CD300LD: variants seen among roughly 807,000 people sequenced by gnomAD.
CD300LD encodes CD300 molecule like family member d, also known as CMRF35-like molecule 5.
CD300LD carries 18 observed loss-of-function variants against 20.3 expected under a neutral mutation model. That is an observed-to-expected ratio of 0.89 (90% CI 0.61 to 1.32). The LOEUF is 1.32. Ranked by LOEUF, CD300LD falls within the 40% of genes most tolerant of loss-of-function variation. The probability of loss-of-function intolerance (pLI) is 0.00; values close to 1 mark genes in which losing one functional copy is unlikely to be tolerated. For missense variants in CD300LD, 195 were observed against 226.6 expected, an observed-to-expected ratio of 0.86 and a Z score of 0.90; for synonymous variants, 104 against 90.1, an observed-to-expected ratio of 1.15 and a Z score of -0.87.
At chr17:74,587,597 CT>C (rs1479455461) in intron 2 of CD300LD, among the ~76,000 whole-genome samples, 1 of 152,100 alleles carries the variant, frequency 6.6e-6, no homozygotes, top group African/African-American at 2.4e-5. Context: ...TTAATATTAT[CT>C]GTGTTCTGAT....
rs549499284 is a variant in CD300LD at position 74,587,795 on chromosome 17, TG to T, written c.379+715del. Among the ~76,000 whole-genome samples the T allele has an allele frequency of 2.3e-4, 35 of 152,104 alleles. No individual in the cohort carries two copies. In the South Asian group the frequency reaches 5.2e-3, roughly 23 times the overall value. On this transcript the variant is annotated intron_variant, in intron 2 of 3. Coordinates refer to ENST00000375352, the MANE Select transcript of CD300LD (RefSeq NM_001115152.2). The stretch of plus-strand genomic sequence containing the variant: ...GTCCCTTTGGCCTGTGGGCTGAAAC[TG>T]GAACCATCACCCTGTCATCTGTGGG...
At chr17:74,580,790 G>C (rs1012253250) in intron 3 of CD300LD, among the ~76,000 whole-genome samples, 1 of 151,862 alleles carries the variant, frequency 6.6e-6, no homozygotes, top group South Asian at 2.1e-4. Context: ...ATCAGGCCAG[G>C]CGTGGTGGTT....
At chr17:74,584,295 C>T (rs1361608100) in intron 2 of CD300LD, among the ~76,000 whole-genome samples, 2 of 152,138 alleles carry the variant, frequency 1.3e-5, no homozygotes, top group Non-Finnish European at 2.9e-5. Flanking sequence ...TTCCCACCTG[C>T]AGGGTATGAG....
At chr17:74,580,165 A>C in intron 3 of CD300LD, 52 bp from the exon 4 acceptor site, 1 of 1,182,802 alleles carries the variant, frequency 8.5e-7, no homozygotes, top group Non-Finnish European at 1.2e-6. Context: ...CAGAGGTCTC[A>C]GGTCTTCTCA....
Position 74,588,522 on chromosome 17 carries a change from G to A in CD300LD, c.368C>T (p.Thr123Ile). ...ACACTCCCTCTTACCTGGGTTAATG[G>A]TCACTTGAACTTTGACCCCAAGATC... The part of the protein sequence containing the change: ...GIDLGVKVQV[T>I]INPGTQTAVS... The change falls in exon 2 of 4, where the codon ACC becomes ATC. Residue 123 changes from threonine to isoleucine, a missense_variant. Physicochemically the swap from Thr to Ile is moderately conservative, Grantham distance 89. Coordinates refer to ENST00000375352, the MANE Select transcript of CD300LD (RefSeq NM_001115152.2). The A allele has an allele frequency of 6.2e-7, 1 of 1,608,720 alleles. No homozygotes were observed. Among genetic ancestry groups the A allele is most frequent in the Non-Finnish European group, 8.5e-7 (1 of 1,176,372 alleles).
Position 74,588,631 on chromosome 17 carries a change from T to A in CD300LD, c.259A>T (p.Asn87Tyr). ...NRVSIRDNQK[N>Y]HVFTVTMENL... ...TCCATGGTCACGGTGAACACGTGGT[T>A]TTTCTGATTGTCCCTGATGGAAACT... is the stretch of plus-strand genomic sequence containing the variant. Residue 87 changes from asparagine (N) to tyrosine (Y), a missense_variant, in exon 2 of 4, where the codon AAC (asparagine) becomes TAC (tyrosine). Physicochemically the swap from Asn to Tyr is moderately radical, Grantham distance 143. Coordinates refer to ENST00000375352, the MANE Select transcript of CD300LD (RefSeq NM_001115152.2). 2 of 1,614,100 alleles carry A rather than the reference T, an allele frequency of 1.2e-6. No homozygotes were observed. The highest frequency in any genetic ancestry group is 1.7e-6 in the Non-Finnish European group (2 of 1,179,980).
chr17:74,579,841 C>T lies in CD300LD; in HGVS notation c.*161G>A, dbSNP rs1165032106. 6.1e-6 allele frequency: 3 copies of T among 494,518 alleles called. No individual in the cohort carries two copies. The highest frequency in any genetic ancestry group is 6.3e-5 in the Admixed American group (2 of 31,746). The allele number at this position is 494,518 out of a possible 1,614,324, so 30.6% of individuals were successfully genotyped here. A position where few individuals can be genotyped will look rare whatever the true frequency, so the allele number is the denominator to read the frequency against. On this transcript the variant is annotated 3_prime_UTR_variant, in exon 4 of 4. Transcript: ENST00000375352. ...GGAAAGTTGCAGTGAGCAGAGATTACACCATTGCATTCCAGCCTGGGTGAC... is the reference window on the plus strand; with the variant it reads ...GGAAAGTTGCAGTGAGCAGAGATTATACCATTGCATTCCAGCCTGGGTGAC...
At chr17:74,586,478 A>C (rs1446991736) in intron 2 of CD300LD, among the ~76,000 whole-genome samples, 1 of 152,080 alleles carries the variant, frequency 6.6e-6, no homozygotes, top group Non-Finnish European at 1.5e-5. Flanking sequence ...AGTCAATGCC[A>C]CTCAAAATTT....
chr17:74,589,156 T>C (rs2030246977), intron 1 of CD300LD, among the ~76,000 whole-genome samples: 1 of 152,252 alleles, frequency 6.6e-6, no homozygotes, highest in Non-Finnish European at 1.5e-5. Flanking sequence ...AGGAATGCTC[T>C]TTGGCAACCA....
chr17:74,582,182 G>A (rs1282873569), intron 3 of CD300LD, 36 bp downstream of exon 3: 5 of 1,582,716 alleles, frequency 3.2e-6, no homozygotes, highest in Non-Finnish European at 3.5e-6. Context: ...ATGGGGCCAG[G>A]CCTGTGCGAA....
chr17:74,591,950 A>C, intron 1 of CD300LD: 1 of 1,374,278 alleles, frequency 7.3e-7, no homozygotes, highest in South Asian at 1.4e-5. Context: ...AAGAAGCTAT[A>C]CTTGTTTTGT....
At chr17:74,591,903 A>G (rs2030328242) in intron 1 of CD300LD, 2 of 833,430 alleles carry the variant, frequency 2.4e-6, no homozygotes, top group Non-Finnish European at 3.5e-6. Flanking sequence ...TCATCTGTTT[A>G]TATGGAACAG....
At chr17:74,587,970 C>T (rs1248967918) in intron 2 of CD300LD, among the ~76,000 whole-genome samples, 1 of 152,178 alleles carries the variant, frequency 6.6e-6, no homozygotes, top group African/African-American at 2.4e-5. Flanking sequence ...TGAGACCTGT[C>T]TTAGTCTACT....
chr17:74,581,476 A>T (rs2030035687), intron 3 of CD300LD, among the ~76,000 whole-genome samples: 1 of 151,802 alleles, frequency 6.6e-6, no homozygotes, highest in South Asian at 2.1e-4. Context: ...ACCTCTGGGG[A>T]CTCCTCTGGA....
chr17:74,588,809 C>G lies in CD300LD; in HGVS notation c.81G>C (p.Val27=), dbSNP rs747280884. The G allele has an allele frequency of 7.9e-5, 127 of 1,613,388 alleles. No homozygotes were observed. Among genetic ancestry groups the G allele is most frequent in the Non-Finnish European group, 1.1e-5 (13 of 1,179,480 alleles). ...TCAATGAGCCCTGCTCCGAGCCATT[C>G]ACTGTTGTTGGACCAGTGATTTTAG... The part of the protein sequence containing the change: ...IAAKITGPTT[V]NGSEQGSLTV... Residue 27 remains valine (V), a synonymous_variant, in exon 2 of 4, where the codon GTG becomes GTC. Transcript: ENST00000375352.
At chr17:74,580,745 T>A (rs1211430213) in intron 3 of CD300LD, among the ~76,000 whole-genome samples, 1 of 151,948 alleles carries the variant, frequency 6.6e-6, no homozygotes, top group Non-Finnish European at 1.5e-5. Flanking sequence ...CAGCGCAACT[T>A]GAAGCCACTC....
chr17:74,585,588 C>T (rs566888686), intron 2 of CD300LD, among the ~76,000 whole-genome samples: 14 of 152,262 alleles, frequency 9.2e-5, no homozygotes, highest in African/African-American at 2.4e-4. Context: ...CCATAAGGCC[C>T]GATCCAAATA....
At chr17:74,582,670 G>A (rs1388464891) in intron 2 of CD300LD, among the ~76,000 whole-genome samples, 1 of 152,220 alleles carries the variant, frequency 6.6e-6, no homozygotes, top group Non-Finnish European at 1.5e-5. Flanking sequence ...CGGCGGCTGA[G>A]CTGGTGGCCC....
chr17:74,591,911 C>T (rs749397825), intron 1 of CD300LD: 84 of 925,960 alleles, frequency 9.1e-5, no homozygotes, highest in South Asian at 1.4e-4. Flanking sequence ...TTATATGGAA[C>T]AGTCAGGGTT....
Sources: gnomAD v4.1 joint callset for allele counts (sites outside exome capture counted in the v4.1 genomes callset) on GRCh38, gnomAD v4.1.1 for gene constraint, MANE v1.5 for transcripts, NCBI Gene and HGNC (gene_info 2026-07-23, HGNC 2026-07-21) for gene names.